ZNF263: variants seen among roughly 807,000 people sequenced by gnomAD.
ZNF263 encodes the protein zinc finger protein FPM315.
Under a neutral mutation model 63.1 loss-of-function variants are expected in ZNF263, and 49 were observed. The ratio of observed to expected loss-of-function variants is 0.78; its 90% CI spans 0.62 to 0.99. The LOEUF is 0.99. ZNF263 is among the 50% of genes least tolerant of loss of function. The pLI is 0.00. For missense variants in ZNF263, 872 were observed against 854.8 expected (o/e 1.02, Z -0.25); for synonymous variants, 352 against 324.2 (o/e 1.09, Z -0.92).
chr16:3,285,601 A>T, intron 2 of ZNF263, 80 bp from the exon 3 acceptor site: 3 of 1,413,110 alleles, frequency 2.1e-6, no homozygotes, highest in Non-Finnish European at 3.0e-6. Context: ...GGTGTTGGGG[A>T]ATGGATACTG....
At chr16:3,295,692 T>C (rs1959725991), downstream of ZNF263, among the ~76,000 whole-genome samples, 1 of 152,230 alleles carries the variant, frequency 6.6e-6, no homozygotes, top group African/African-American at 2.4e-5. Context: ...TAGTTCGCTC[T>C]CTTCTGGTAA....
Position 3,297,456 on chromosome 16 carries a change from C to CTTTT in ZNF263, c.152-1627_152-1624dup, listed in dbSNP as rs1168352573. ...AGAATACCCATCTCAGAAACAGATTCTTTTTTTTTTTTTTTTTTTTTTTTT... is the reference window on the plus strand; with the variant it reads ...AGAATACCCATCTCAGAAACAGATTCTTTTTTTTTTTTTTTTTTTTTTTTTTTTT... On this transcript the variant is annotated intron_variant, in intron 1 of 2. Coordinates refer to the ZNF263 transcript ENST00000574674. Among the ~76,000 whole-genome samples the CTTTT allele has an allele frequency of 1.8e-4, 14 of 76,444 alleles. 2 individuals carry two copies. Among genetic ancestry groups the CTTTT allele is most frequent in the Admixed American group, 7.4e-4 (4 of 5,440 alleles). The allele number at this position is 76,444 out of a possible 152,430, so 50.2% of individuals were successfully genotyped here. A position where few individuals can be genotyped will look rare whatever the true frequency, so the allele number is the denominator to read the frequency against.
intron 1 of ZNF263, chr16:3,299,050 G>A (rs1959850492): frequency 1.4e-6 from 2 of 1,393,120 alleles, no homozygotes; most frequent in African/African-American, 1.5e-5. Flanking sequence ...ACCAATTCTA[G>A]AATGGATTTT....
In ZNF263 at chr16:3,291,158, C is replaced by T. The variant is rs1165750246; in HGVS notation, c.*600C>T. On this transcript the variant is annotated 3_prime_UTR_variant, in exon 6 of 6. Transcript: ENST00000219069. ...GGCAGATTACACATGTAAATATGAC[C>T]TCAGACAAAAAGGAACCAGAGGCCC... 12 of 985,636 alleles carry T rather than the reference C, an allele frequency of 1.2e-5. No homozygotes were observed. Among genetic ancestry groups the T allele is most frequent in the Non-Finnish European group, 1.4e-5 (12 of 830,244 alleles). The allele number at this position is 985,636 out of a possible 1,614,324, so 61.1% of individuals were successfully genotyped here.
At chr16:3,291,799 A>G (rs1402268532), downstream of ZNF263, among the ~76,000 whole-genome samples, 2 of 152,250 alleles carry the variant, frequency 1.3e-5, no homozygotes, top group Non-Finnish European at 2.9e-5. Context: ...GCTGAGGAAG[A>G]TCTGACTCTT....
At chr16:3,300,137 GTT>G in intron 2 of ZNF263, 1 of 1,614,230 alleles carries the variant, frequency 6.2e-7, no homozygotes, top group Non-Finnish European at 8.5e-7. Flanking sequence ...ATCATGGACA[GTT>G]TTTGTCGAAA....
rs757007434 is a variant in ZNF263, at chr16:3,283,875, G to A, written c.57G>A (p.Glu19=). 5 of 1,608,048 alleles carry A rather than the reference G, an allele frequency of 3.1e-6. No individual in the cohort carries two copies. The South Asian group carries it at 5.5e-5, about 18-fold the overall frequency. ...EREGLLIVKL[E]EDCAWSQELP... ...AAGGGCTCCTGATAGTGAAGCTGGA[G>A]GAGGACTGCGCCTGGAGCCAGGAGC... Residue 19 remains glutamate (E), a synonymous_variant, in exon 1 of 6, where the codon GAG becomes GAA. Transcript: ENST00000219069.
At position 3,285,136 on chromosome 16, in the gene ZNF263, C is replaced by T. The variant is rs770280636; in HGVS notation, c.465C>T (p.Ser155=). 5 of 1,614,048 alleles carry T rather than the reference C, an allele frequency of 3.1e-6. No individual in the cohort carries two copies. The African/African-American group carries it at 6.7e-5, about 22-fold the overall frequency. The change falls in exon 2 of 6, where the codon AGC becomes AGT. Residue 155 remains serine, a synonymous_variant. Coordinates refer to ENST00000219069, the MANE Select transcript of ZNF263 (RefSeq NM_005741.5). Reference sequence around the variant, plus strand: ...TGGAAACAGCACGAGAGTCACCGAGCTTCAAGCTGGAGCCAATGGAGACTG... The same window carrying T: ...TGGAAACAGCACGAGAGTCACCGAGTTTCAAGCTGGAGCCAATGGAGACTG... ...LPLETARESP[S]FKLEPMETER...
At chr16:3,300,111 T>C (rs1319301003) in intron 2 of ZNF263, 3 of 1,614,182 alleles carry the variant, frequency 1.9e-6, no homozygotes, top group Non-Finnish European at 2.5e-6. Flanking sequence ...CTAGACACAG[T>C]TTCTCCTCTT....
downstream of ZNF263, among the ~76,000 whole-genome samples, chr16:3,295,899 T>A (rs1483877551): frequency 6.6e-6 from 1 of 152,208 alleles, no homozygotes; most frequent in Admixed American, 6.5e-5. Flanking sequence ...TCTCGTAGGA[T>A]GTCCCCCAGG....
Position 3,285,086 on chromosome 16 carries a change from G to A in ZNF263, c.415G>A (p.Val139Met), listed in dbSNP as rs764198314. ...QVTNHGRGTE[V>M]LLEEPLPLET... is the part of the protein sequence containing the mutation. ...CACAAACCATGGGCGGGGAACAGAA[G>A]TGCTTTTGGAGGAGCCTTTGCCTCT... The change falls in exon 2 of 6, where the codon GTG becomes ATG. Residue 139 changes from valine to methionine, a missense_variant. By Grantham distance (21) the Val-to-Met change is conservative. Transcript: ENST00000219069. 5 of 1,614,210 alleles carry A rather than the reference G, an allele frequency of 3.1e-6. No homozygotes were observed. The highest frequency in any genetic ancestry group is 4.2e-6 in the Non-Finnish European group (5 of 1,180,038).
chr16:3,293,988 C>T (rs553482813), downstream of ZNF263, among the ~76,000 whole-genome samples: 1 of 152,184 alleles, frequency 6.6e-6, no homozygotes, highest in East Asian at 1.9e-4. Flanking sequence ...TGCAGTGGCA[C>T]GATCTCGGCT....
intron 2 of ZNF263, chr16:3,299,645 A>C: frequency 6.4e-7 from 1 of 1,563,570 alleles, no homozygotes; most frequent in Non-Finnish European, 8.6e-7. Flanking sequence ...ATCAAGGTTG[A>C]AGTGTTATGG....
chr16:3,299,502 A>T, intron 2 of ZNF263: 1 of 1,538,872 alleles, frequency 6.5e-7, no homozygotes, highest in South Asian at 1.3e-5. Context: ...TGTAGATTTT[A>T]ATTTTGGAAA....
chr16:3,289,262 G>A, intron 5 of ZNF263, 131 bp from the exon 6 acceptor site: 8 of 934,700 alleles, frequency 8.6e-6, no homozygotes, highest in Non-Finnish European at 1.1e-5. Flanking sequence ...TTACCTTTAG[G>A]AGAGGATGGG....
rs1429863082 is a variant in ZNF263, at chr16:3,290,909, G to A, written c.*351G>A. 3 of 1,029,872 alleles carry A rather than the reference G, an allele frequency of 2.9e-6. No individual in the cohort carries two copies. Among genetic ancestry groups the A allele is most frequent in the Non-Finnish European group, 3.5e-6 (3 of 856,440 alleles). The allele number at this position is 1,029,872 out of a possible 1,614,324, so 63.8% of individuals were successfully genotyped here. ...TAACAAGTTTGGGAATCCATGTGAT[G>A]TTTTTGATACTTCTTCCTCATTTGG... is the stretch of plus-strand genomic sequence containing the variant. On this transcript the variant is annotated 3_prime_UTR_variant, in exon 6 of 6. Coordinates refer to ENST00000219069, the MANE Select transcript of ZNF263 (RefSeq NM_005741.5).
chr16:3,288,125 G>A (rs1004880781), intron 4 of ZNF263, among the ~76,000 whole-genome samples: 16 of 151,894 alleles, frequency 1.1e-4, no homozygotes, highest in Non-Finnish European at 2.1e-4. Flanking sequence ...GGTGGTGCAC[G>A]CCTGTAATCC....
chr16:3,294,484 ATTTAT>A (rs1567255999), downstream of ZNF263, among the ~76,000 whole-genome samples: 2 of 152,066 alleles, frequency 1.3e-5, no homozygotes, highest in Non-Finnish European at 2.9e-5. Context: ...GCATTTATTT[ATTTAT>A]TTATTTATTT....
intron 1 of ZNF263, among the ~76,000 whole-genome samples, chr16:3,296,745 A>G (rs1959756667): frequency 1.3e-5 from 2 of 152,206 alleles, no homozygotes; most frequent in South Asian, 2.1e-4. Context: ...CACTACTAAT[A>G]AAAAAGGAAC....
Sources: gnomAD v4.1 joint callset for allele counts (sites outside exome capture counted in the v4.1 genomes callset) on GRCh38, gnomAD v4.1.1 for gene constraint, MANE v1.5 for transcripts, NCBI Gene and HGNC (gene_info 2026-07-23, HGNC 2026-07-21) for gene names.